The following NTRK2 variants were observed in gnomAD, a reference collection of about 807,000 sequenced individuals.
The protein encoded by NTRK2 is neurotrophic receptor tyrosine kinase 2, also known as BDNF/NT-3 growth factors receptor.
NTRK2 carries 13 observed loss-of-function variants against 94.5 expected under a neutral mutation model. The observed-to-expected ratio is 0.14, with a 90% confidence interval of 0.09 to 0.22. NTRK2 has a LOEUF of 0.22. NTRK2 is among the 10% of genes least tolerant of loss of function. NTRK2 has a pLI of 1.00. For synonymous variants in NTRK2, 372 were observed against 407.4 expected, an observed-to-expected ratio of 0.91 and a Z score of 1.05; for missense variants, 639 against 1,071.2, an observed-to-expected ratio of 0.60 and a Z score of 5.63.
At chr9:84,689,503 G>C (rs1166393616) in intron 2 of NTRK2, among the ~76,000 whole-genome samples, 3 of 152,140 alleles carry the variant, frequency 2.0e-5, no homozygotes, top group Non-Finnish European at 4.4e-5. Context: ...GGGATTGTCA[G>C]TCATTTTCTC....
At chr9:84,812,809 T>C (rs2071955807) in intron 12 of NTRK2, 7 of 1,039,756 alleles carry the variant, frequency 6.7e-6, no homozygotes, top group Non-Finnish European at 8.1e-6. Flanking sequence ...GCTAGAAGGA[T>C]TGCAAGGTAG....
At chr9:84,950,933 T>G (rs1187197466) in intron 16 of NTRK2, among the ~76,000 whole-genome samples, 1 of 152,210 alleles carries the variant, frequency 6.6e-6, no homozygotes, top group Non-Finnish European at 1.5e-5. Flanking sequence ...TCTGTCTGCC[T>G]CTCATTTCCA....
intron 12 of NTRK2, among the ~76,000 whole-genome samples, chr9:84,760,849 T>C (rs1166518604): frequency 6.6e-6 from 1 of 152,258 alleles, no homozygotes. Flanking sequence ...TTCCCTTTTG[T>C]ACAGAAAGGA....
intron 12 of NTRK2, among the ~76,000 whole-genome samples, chr9:84,781,751 T>G (rs1397785205): frequency 6.6e-6 from 1 of 152,112 alleles, no homozygotes; most frequent in African/African-American, 2.4e-5. Flanking sequence ...GTGTCTTTAG[T>G]TTTTTAAGTC....
At chr9:84,764,094 G>A (rs2132694368) in intron 12 of NTRK2, among the ~76,000 whole-genome samples, 1 of 152,302 alleles carries the variant, frequency 6.6e-6, no homozygotes, top group Non-Finnish European at 1.5e-5. Flanking sequence ...AGAAGATGAT[G>A]TGCACTTCAT....
chr9:84,935,613 G>T (rs960747821), intron 15 of NTRK2, among the ~76,000 whole-genome samples: 3 of 152,108 alleles, frequency 2.0e-5, no homozygotes, highest in African/African-American at 7.2e-5. Flanking sequence ...ATGGACAAAT[G>T]GAGGGGGAGA....
chr9:84,998,962 A>AG (rs1830055759), intron 17 of NTRK2, among the ~76,000 whole-genome samples: 1 of 152,064 alleles, frequency 6.6e-6, no homozygotes, highest in South Asian at 2.1e-4. Context: ...TCCCCCATGC[A>AG]GCCTTCTTTT....
intron 15 of NTRK2, 111 bp downstream of exon 15, chr9:84,934,403 T>C: frequency 8.9e-7 from 1 of 1,118,080 alleles, no homozygotes; most frequent in South Asian, 1.3e-5. Flanking sequence ...TTGTTCCTGC[T>C]ATGATGGATG....
Position 84,710,699 on chromosome 9 carries a change from A to T in NTRK2, c.491A>T (p.Glu164Val), listed in dbSNP as rs200773017. The change falls in exon 6 of 19, where the codon GAG (glutamate) becomes GTG (valine). Residue 164 changes from glutamate (E) to valine (V), a missense_variant. Around this residue, in one of 5 missense-constraint regions of NTRK2, gnomAD observed 206 missense variants for 251.5 expected, o/e 0.82. Coordinates refer to ENST00000277120, the MANE Select transcript of NTRK2 (RefSeq NM_006180.6). Reference sequence around the variant, plus strand: ...ATTATGTGGATCAAGACTCTCCAAGAGGCTAAATCCAGTCCAGACACTCAG... The same window carrying T: ...ATTATGTGGATCAAGACTCTCCAAGTGGCTAAATCCAGTCCAGACACTCAG... Reference protein sequence around the residue: ...CDIMWIKTLQEAKSSPDTQDL... With the variant: ...CDIMWIKTLQVAKSSPDTQDL... 6.2e-6 allele frequency: 10 copies of T among 1,614,202 alleles called. No individual in the cohort carries two copies. The highest frequency in any genetic ancestry group is 8.5e-6 in the Non-Finnish European group (10 of 1,180,032).
intron 12 of NTRK2, among the ~76,000 whole-genome samples, chr9:84,776,765 C>T (rs1423318009): frequency 1.3e-5 from 2 of 152,160 alleles, no homozygotes. Flanking sequence ...CCTGCACATT[C>T]TCTGGATTGT....
intron 12 of NTRK2, among the ~76,000 whole-genome samples, chr9:84,803,235 A>G (rs1313300333): frequency 6.6e-6 from 1 of 152,212 alleles, no homozygotes; most frequent in East Asian, 1.9e-4. Context: ...AACAGGCACT[A>G]GAGAAAAAGG....
At chr9:85,007,165 C>T (rs544570429) in intron 17 of NTRK2, among the ~76,000 whole-genome samples, 3 of 152,344 alleles carry the variant, frequency 2.0e-5, no homozygotes, top group East Asian at 1.9e-4. Flanking sequence ...AGGGATTTAC[C>T]ATTATGATCT....
chr9:84,870,331 G>GTACATATATATATATA (rs2075806419), intron 14 of NTRK2, among the ~76,000 whole-genome samples: 1 of 31,176 alleles, frequency 3.2e-5, no homozygotes, highest in East Asian at 1.1e-3. Flanking sequence ...GTGTGTGTGT[G>GTACATATATATATATA]TATATATATA....
At chr9:84,876,299 A>G in intron 14 of NTRK2, 1 of 1,046,854 alleles carries the variant, frequency 9.6e-7, no homozygotes, top group Non-Finnish European at 1.2e-6. Context: ...TTTACTAGAG[A>G]TTACATGAAA....
chr9:84,934,387 AGT>A, intron 15 of NTRK2, 95 bp downstream of exon 15: 7 of 1,345,120 alleles, frequency 5.2e-6, no homozygotes, highest in East Asian at 2.4e-5. Flanking sequence ...CCAATGCAGG[AGT>A]AAATTGTTCC....
chr9:84,903,285 A>G (rs2076985291), intron 14 of NTRK2, among the ~76,000 whole-genome samples: 1 of 152,216 alleles, frequency 6.6e-6, no homozygotes, highest in Admixed American at 6.5e-5. Context: ...TGTCAACAAA[A>G]GTCTCCAGGT....
chr9:84,925,321 C>G lies in NTRK2; in HGVS notation c.1634-8841C>G, dbSNP rs527390922. 2.9e-3 allele frequency among the ~76,000 whole-genome samples: 442 copies of G among 151,852 alleles called. 2 individuals are homozygous for G. The highest frequency in any genetic ancestry group is 0.024 in the Middle Eastern group (7 of 292). On this transcript the variant is annotated intron_variant, in intron 14 of 18. Coordinates refer to ENST00000277120, the MANE Select transcript of NTRK2 (RefSeq NM_006180.6). ...ATGTGCTGGAGCCATGGTGCTGTCTCTAGATGGACCTGTCTGCCCCTGCAT... is the reference window on the plus strand; with the variant it reads ...ATGTGCTGGAGCCATGGTGCTGTCTGTAGATGGACCTGTCTGCCCCTGCAT...
chr9:84,797,885 TA>T (rs1382922893), intron 12 of NTRK2, among the ~76,000 whole-genome samples: 1 of 118,714 alleles, frequency 8.4e-6, no homozygotes, highest in Non-Finnish European at 1.6e-5. Context: ...AATATAGTAA[TA>T]ATTATTATTA....
intron 17 of NTRK2, among the ~76,000 whole-genome samples, chr9:84,964,614 C>A (rs1325245309): frequency 6.6e-6 from 1 of 152,188 alleles, no homozygotes; most frequent in South Asian, 2.1e-4. Context: ...ACTTTGATCT[C>A]CCCAGACTCT....
Sources: gnomAD v4.1 joint callset for allele counts (sites outside exome capture counted in the v4.1 genomes callset) on GRCh38, gnomAD v4.1.1 for gene constraint, gnomAD v4.1.1 regional missense constraint, MANE v1.5 for transcripts, NCBI Gene and HGNC (gene_info 2026-07-23, HGNC 2026-07-21) for gene names.